Variants in COL6A5 observed in about 807,000 individuals in gnomAD.
The protein encoded by COL6A5 is collagen alpha-5(VI) chain.
A neutral mutation model predicts 65.6 loss-of-function variants in COL6A5; 48 were observed. That is an observed-to-expected ratio of 0.73 (90% CI 0.58 to 0.93). COL6A5 has a LOEUF of 0.93. Among genes scored for constraint, COL6A5 ranks in the 40% least tolerant of loss-of-function variants. The pLI is 0.00. For missense variants in COL6A5, 914 were observed against 928.3 expected (o/e 0.98, Z 0.20); for synonymous variants, 291 against 322.8 (o/e 0.90, Z 1.05).
chr3:130,429,264 GTTT>G, upstream of COL6A5, among the ~76,000 whole-genome samples: 1 of 152,314 alleles, frequency 6.6e-6, no homozygotes, highest in South Asian at 2.1e-4. Context: ...CTATCTTGCT[GTTT>G]AATCAGAGGC....
At chr3:130,462,314 G>C (rs570075477) in intron 5 of COL6A5, among the ~76,000 whole-genome samples, 2 of 152,066 alleles carry the variant, frequency 1.3e-5, no homozygotes, top group African/African-American at 4.8e-5. Context: ...ACTCCTTGAA[G>C]TTAAGCATGC....
At chr3:130,459,862 G>C (rs989927641) in intron 5 of COL6A5, among the ~76,000 whole-genome samples, 5 of 151,530 alleles carry the variant, frequency 3.3e-5, no homozygotes, top group African/African-American at 1.2e-4. Flanking sequence ...GGGCATATAG[G>C]TTTACAGTTT....
intron 1 of COL6A5, among the ~76,000 whole-genome samples, chr3:130,369,695 G>A (rs1391900822): frequency 6.6e-6 from 1 of 152,198 alleles, no homozygotes; most frequent in Non-Finnish European, 1.5e-5. Context: ...TTATTCATTA[G>A]TCTATTATTA....
At chr3:130,411,313 A>G (rs16827424) in intron 20 of COL6A5, among the ~76,000 whole-genome samples, 12,620 of 152,286 alleles carry the variant, frequency 0.083, 608 homozygotes, top group Middle Eastern at 0.1. Flanking sequence ...AGAAGAGAAT[A>G]ATGGACAAAG....
chr3:130,350,391 G>T (rs1418363619), intron 1 of COL6A5, among the ~76,000 whole-genome samples: 1 of 152,192 alleles, frequency 6.6e-6, no homozygotes, highest in Non-Finnish European at 1.5e-5. Context: ...CAGATGAAAT[G>T]ATTGCATATT....
chr3:130,406,176 G>A lies in COL6A5; in HGVS notation c.4425+1G>A, dbSNP rs1936986634. The A allele has an allele frequency of 1.9e-6, 3 of 1,550,368 alleles. No individual in the cohort carries two copies. The highest frequency in any genetic ancestry group is 4.9e-5 in the East Asian group (2 of 40,904). On this transcript the variant is annotated splice_donor_variant and NMD_transcript_variant, in intron 16 of 41. Transcript: ENST00000312481. ...GATTGATGGACTTGATGGGGAAGAGGTAAGCCATATTTCTTCAAGTATCAT... is the reference window on the plus strand; with the variant it reads ...GATTGATGGACTTGATGGGGAAGAGATAAGCCATATTTCTTCAAGTATCAT...
At chr3:130,385,206 C>T (rs1177320358) in exon 5 of COL6A5, 2 of 1,550,884 alleles carry the variant, frequency 1.3e-6, no homozygotes, top group Admixed American at 3.9e-5. Context: ...AGACTAAGGG[C>T]TGAGCAAATC....
intron 1 of COL6A5, among the ~76,000 whole-genome samples, chr3:130,437,346 C>T (rs1709055888): frequency 6.6e-6 from 1 of 151,792 alleles, no homozygotes; most frequent in Non-Finnish European, 1.5e-5. Context: ...AATATATATC[C>T]AGAATTTGAC....
At chr3:130,455,959 T>G (rs16828192) in intron 5 of COL6A5, among the ~76,000 whole-genome samples, 1,822 of 152,182 alleles carry the variant, frequency 0.012, 42 homozygotes, top group African/African-American at 0.041. Flanking sequence ...AAGGAAGCAG[T>G]ATAGTGAACA....
At chr3:130,393,868 C>G (rs1184601222) in intron 7 of COL6A5, among the ~76,000 whole-genome samples, 3 of 152,228 alleles carry the variant, frequency 2.0e-5, no homozygotes, top group South Asian at 2.1e-4. Flanking sequence ...CAAGGCATCT[C>G]TCTATAGTGA....
exon 5 of COL6A5, chr3:130,384,837 T>C: frequency 6.5e-7 from 1 of 1,549,582 alleles, no homozygotes; most frequent in Non-Finnish European, 8.7e-7. Context: ...GATATCCACT[T>C]CCTCATTGAT....
At chr3:130,359,384 C>A (rs1158994378) in intron 1 of COL6A5, among the ~76,000 whole-genome samples, 1 of 151,432 alleles carries the variant, frequency 6.6e-6, no homozygotes, top group Non-Finnish European at 1.5e-5. Context: ...TTTTTAGAAG[C>A]CTATGAAATG....
rs371914645 is a variant in COL6A5, at chr3:130,359,003, C to T, written c.-29+13022C>T. 4.6e-5 allele frequency among the ~76,000 whole-genome samples: 7 copies of T among 152,136 alleles called. No homozygotes were observed. The East Asian group carries it at 1.2e-3, about 25-fold the overall frequency. ...GCTGTTAAGATGAATGAAGTAGATA[C>T]AAGAGTGATATTAAAAATAGTCAAC... On this transcript the variant is annotated intron_variant and NMD_transcript_variant, in intron 1 of 41. Coordinates refer to the COL6A5 transcript ENST00000312481.
At chr3:130,373,948 A>G (rs879719612) in intron 2 of COL6A5, among the ~76,000 whole-genome samples, 4 of 152,156 alleles carry the variant, frequency 2.6e-5, no homozygotes, top group African/African-American at 4.8e-5. Flanking sequence ...TTCAATCTCA[A>G]TATTACATGT....
At chr3:130,463,412 T>C (rs1709745126) in intron 5 of COL6A5, among the ~76,000 whole-genome samples, 2 of 152,042 alleles carry the variant, frequency 1.3e-5, no homozygotes, top group Admixed American at 6.6e-5. Context: ...TGACAGCATA[T>C]CTAATCCCAG....
chr3:130,401,048 G>C lies in COL6A5; in HGVS notation c.4009G>C (p.Val1337Leu), dbSNP rs1936796739. 1 of 1,548,526 alleles carries C rather than the reference G, an allele frequency of 6.5e-7. No homozygotes were observed. The highest frequency in any genetic ancestry group is 8.7e-7 in the Non-Finnish European group (1 of 1,146,316). The change falls in exon 11 of 42, where the codon GTA (valine) becomes CTA (leucine). Residue 1337 changes from valine to leucine, a missense_variant and NMD_transcript_variant. By Grantham distance (32) the Val-to-Leu change is conservative. Coordinates refer to the COL6A5 transcript ENST00000312481. ...CCACATAGGACTTGATGCTCTGCTG[G>C]TAGTGTCCCTTAACACAACTGCTCA...
chr3:130,406,220 C>T, intron 16 of COL6A5, 45 bp downstream of exon 16: 1 of 1,549,206 alleles, frequency 6.5e-7, no homozygotes, highest in Non-Finnish European at 8.7e-7. Context: ...CATGAGGTTG[C>T]TAAAATTTTT....
chr3:130,457,213 A>G (rs1709593428), intron 5 of COL6A5, among the ~76,000 whole-genome samples: 1 of 152,080 alleles, frequency 6.6e-6, no homozygotes, highest in Non-Finnish European at 1.5e-5. Context: ...GTTTGGTTTA[A>G]AAAGGGGAAA....
chr3:130,366,789 C>T (rs1935356345), intron 1 of COL6A5, among the ~76,000 whole-genome samples: 1 of 152,156 alleles, frequency 6.6e-6, no homozygotes, highest in African/African-American at 2.4e-5. Flanking sequence ...TCACTATGCA[C>T]CTACTATGGG....
Sources: gnomAD v4.1 joint callset for allele counts (sites outside exome capture counted in the v4.1 genomes callset) on GRCh38, gnomAD v4.1.1 for gene constraint, MANE v1.5 for transcripts, NCBI Gene and HGNC (gene_info 2026-07-23, HGNC 2026-07-21) for gene names.